SPATC1: variants seen among roughly 807,000 people sequenced by gnomAD.
SPATC1 encodes speriolin.
Under a neutral mutation model 36.5 loss-of-function variants are expected in SPATC1, and 35 were observed. The observed-to-expected ratio is 0.96, with a 90% CI of 0.73 to 1.27. The LOEUF (loss-of-function observed/expected upper bound fraction) is 1.27. Ranked by LOEUF, SPATC1 falls within the 50% of genes most tolerant of loss-of-function variation. The pLI is 0.00. For synonymous variants in SPATC1, 361 were observed against 353.6 expected, an observed-to-expected ratio of 1.02 and a Z score of -0.24; for missense variants, 779 against 796.0, an observed-to-expected ratio of 0.98 and a Z score of 0.26.
intron 1 of SPATC1, among the ~76,000 whole-genome samples, chr8:144,028,720 T>C (rs1834733948): frequency 1.3e-5 from 2 of 152,206 alleles, no homozygotes; most frequent in African/African-American, 4.8e-5. Context: ...CCCAAAGGAA[T>C]ATAAATCATT....
chr8:144,033,143 C>T (rs1834831601), intron 1 of SPATC1, among the ~76,000 whole-genome samples: 2 of 152,048 alleles, frequency 1.3e-5, no homozygotes, highest in South Asian at 4.1e-4. Context: ...CGCCTGTTAT[C>T]CCAGCACTTT....
At chr8:144,034,616 T>TTTTATTTA (rs1190472621) in intron 1 of SPATC1, among the ~76,000 whole-genome samples, 2 of 151,944 alleles carry the variant, frequency 1.3e-5, no homozygotes, top group Admixed American at 6.6e-5. Context: ...AACTCTCAGC[T>TTTTATTTA]TTTATTTATT....
chr8:144,034,117 C>T (rs1834851922), intron 1 of SPATC1, among the ~76,000 whole-genome samples: 1 of 152,256 alleles, frequency 6.6e-6, no homozygotes, highest in Non-Finnish European at 1.5e-5. Context: ...CAGGGCCCTG[C>T]CCAGTTGACC....
chr8:144,044,947 T>C (rs1835219551), intron 4 of SPATC1, among the ~76,000 whole-genome samples: 1 of 152,186 alleles, frequency 6.6e-6, no homozygotes, highest in Admixed American at 6.5e-5. Context: ...AGACTCCGTC[T>C]CAAAACAACA....
chr8:144,039,187 C>G (rs922702929), intron 1 of SPATC1, among the ~76,000 whole-genome samples: 1 of 152,250 alleles, frequency 6.6e-6, no homozygotes, highest in African/African-American at 2.4e-5. Context: ...CTGCCAGCAG[C>G]TGCATCCCCG....
In SPATC1 at chr8:144,040,716, C is replaced by T. The variant is rs1554755749; in HGVS notation, c.915C>T (p.Asp305=). 2 of 1,613,654 alleles carry T rather than the reference C, an allele frequency of 1.2e-6. No individual in the cohort carries two copies. Among genetic ancestry groups the T allele is most frequent in the Non-Finnish European group, 1.7e-6 (2 of 1,179,940 alleles). The part of the protein sequence containing the change: ...PKTAFSFNTS[D]TQAQPSAAQE... Reference sequence around the variant, plus strand: ...CGGCCTTCTCCTTCAACACTTCGGACACACAGGCCCAGCCCAGTGCCGCCC... The same window carrying T: ...CGGCCTTCTCCTTCAACACTTCGGATACACAGGCCCAGCCCAGTGCCGCCC... Residue 305 remains aspartate, a synonymous_variant, in exon 3 of 5, where the codon GAC becomes GAT. Transcript: ENST00000377470.
chr8:144,040,346 C>G lies in SPATC1; in HGVS notation c.649C>G (p.Pro217Ala), dbSNP rs1554755599. 2 of 1,612,714 alleles carry G rather than the reference C, an allele frequency of 1.2e-6. No individual in the cohort carries two copies. The highest frequency in any genetic ancestry group is 2.2e-5 in the East Asian group (1 of 44,860). ...PGVSQNLLAN[P>A]MSNLVLPEAP... ...GGTCTCTCAGAACCTGCTGGCCAACCCCATGAGCAACCTGGTCCTGCCAGA... is the reference window on the plus strand; with the variant it reads ...GGTCTCTCAGAACCTGCTGGCCAACGCCATGAGCAACCTGGTCCTGCCAGA... Residue 217 changes from proline to alanine, a missense_variant, in exon 2 of 5, where the codon CCC (proline) becomes GCC (alanine). Transcript: ENST00000377470.
chr8:144,024,939 A>G (rs965387346), intron 1 of SPATC1, among the ~76,000 whole-genome samples: 7 of 15,694 alleles, frequency 4.5e-4, no homozygotes, highest in African/African-American at 1.7e-3. Flanking sequence ...CTCTTCCTTC[A>G]AGATCCTCTT....
chr8:144,026,194 G>A (rs897192297), intron 1 of SPATC1, among the ~76,000 whole-genome samples: 6 of 152,082 alleles, frequency 3.9e-5, no homozygotes, highest in Non-Finnish European at 5.9e-5. Flanking sequence ...TCATATATGC[G>A]GTCTTTTGTG....
intron 1 of SPATC1, among the ~76,000 whole-genome samples, chr8:144,013,165 G>A (rs1206072354): frequency 6.6e-6 from 1 of 152,116 alleles, no homozygotes; most frequent in Non-Finnish European, 1.5e-5. Context: ...CCTAGGTGCT[G>A]CATCCTTCTC....
At chr8:144,038,998 G>A (rs1554755243) in intron 1 of SPATC1, among the ~76,000 whole-genome samples, 2 of 152,198 alleles carry the variant, frequency 1.3e-5, no homozygotes, top group Non-Finnish European at 2.9e-5. Flanking sequence ...AAGGCAACAC[G>A]CAGCTCCTCA....
In SPATC1 at chr8:144,046,667, T is replaced by C; in HGVS notation, c.1487T>C (p.Leu496Pro). ...AGTGACCACAAGCTGGATGAGAAGC[T>C]GTGCCAGAGGCTCACACAGCGCTAT... is the stretch of plus-strand genomic sequence containing the variant. ...NPSDHKLDEK[L>P]CQRLTQRYVS... is the part of the protein sequence containing the mutation. Residue 496 changes from leucine (L) to proline (P), a missense_variant, in exon 5 of 5, where the codon CTG (leucine) becomes CCG (proline). Coordinates refer to ENST00000377470, the MANE Select transcript of SPATC1 (RefSeq NM_198572.3). The surrounding 1 kb of genome is among the most constrained non-coding windows in gnomAD (Gnocchi z 6.6). 1 of 1,611,848 alleles carries C rather than the reference T, an allele frequency of 6.2e-7. No homozygotes were observed.
rs1390845723 is a variant in SPATC1, at chr8:144,040,972, C to T, written c.1171C>T (p.Arg391Cys). ...CPPHNAHSPPRTSSSPASVND... is the reference protein window; with the variant it reads ...CPPHNAHSPPCTSSSPASVND... ...TCCACACAACGCCCACTCCCCACCT[C>T]GTACCTCATCCTCCCCGGCTTCAGT... The change falls in exon 3 of 5, where the codon CGT becomes TGT. Residue 391 changes from arginine to cysteine, a missense_variant. By Grantham distance (180) the Arg-to-Cys change is radical. Coordinates refer to ENST00000377470, the MANE Select transcript of SPATC1 (RefSeq NM_198572.3). The T allele has an allele frequency of 9.3e-6, 15 of 1,612,178 alleles. No homozygotes were observed. Among genetic ancestry groups the T allele is most frequent in the Non-Finnish European group, 1.2e-5 (14 of 1,179,732 alleles).
chr8:144,028,509 T>C (rs1472237024), intron 1 of SPATC1, among the ~76,000 whole-genome samples: 1 of 152,152 alleles, frequency 6.6e-6, no homozygotes, highest in Non-Finnish European at 1.5e-5. Flanking sequence ...TGAGATACCA[T>C]CTCACACCAG....
chr8:144,024,310 C>G (rs1834626977), intron 1 of SPATC1, among the ~76,000 whole-genome samples: 1 of 150,394 alleles, frequency 6.6e-6, no homozygotes, highest in Non-Finnish European at 1.5e-5. Context: ...CCCTCATAAA[C>G]TTCCTCCCCC....
At position 144,043,415 on chromosome 8, in the gene SPATC1, C is replaced by T. The variant is rs1006294168; in HGVS notation, c.1446+2044C>T. ...TCCTGCCTCAGCCTCCCAAGTAGTT[C>T]GAATTACAGGCACACACCACCAGGC... On this transcript the variant is annotated intron_variant, in intron 4 of 4. Transcript: ENST00000377470. Among the ~76,000 whole-genome samples the T allele has an allele frequency of 2.0e-5, 3 of 151,664 alleles. No individual in the cohort carries two copies. The East Asian group carries it at 5.8e-4, about 29-fold the overall frequency.
At chr8:144,037,204 G>GC (rs1834923386) in intron 1 of SPATC1, among the ~76,000 whole-genome samples, 1 of 132,318 alleles carries the variant, frequency 7.6e-6, no homozygotes, top group Admixed American at 7.2e-5. Flanking sequence ...GGGGGGGTCA[G>GC]CCCCCCGCCC....
rs1554756012 is a variant in SPATC1 at position 144,041,285 on chromosome 8, G to C, written c.1360G>C (p.Asp454His). 1 of 1,613,116 alleles carries C rather than the reference G, an allele frequency of 6.2e-7. No individual in the cohort carries two copies. The highest frequency in any genetic ancestry group is 1.1e-5 in the South Asian group (1 of 91,082). ...RLVGEIAFQL[D>H]RRILSSIFPE... ...GGTGGGTGAGATTGCCTTCCAGCTGGACCGCAGGATCCTGTCCAGCATCTT... is the reference window on the plus strand; with the variant it reads ...GGTGGGTGAGATTGCCTTCCAGCTGCACCGCAGGATCCTGTCCAGCATCTT... The change falls in exon 4 of 5, where the codon GAC (aspartate) becomes CAC (histidine). Residue 454 changes from aspartate to histidine, a missense_variant. Asp to His is a moderately conservative substitution (Grantham distance 81). Coordinates refer to ENST00000377470, the MANE Select transcript of SPATC1 (RefSeq NM_198572.3).
chr8:144,040,596 G>T lies in SPATC1; in HGVS notation c.795G>T (p.Ser265=). ...KVPLSTEPPQ[S]TQDPEPLSMA... is the part of the protein sequence containing the mutation. ...CACTCTCCACTGAGCCCCCCCAGTCGACCCAGGACCCAGAGCCTCTCAGCA... is the reference window on the plus strand; with the variant it reads ...CACTCTCCACTGAGCCCCCCCAGTCTACCCAGGACCCAGAGCCTCTCAGCA... Residue 265 remains serine, a synonymous_variant, in exon 3 of 5, where the codon TCG becomes TCT. Coordinates refer to ENST00000377470, the MANE Select transcript of SPATC1 (RefSeq NM_198572.3). 6.3e-7 allele frequency: 1 copy of T among 1,594,476 alleles called. No individual in the cohort carries two copies. The highest frequency in any genetic ancestry group is 1.4e-5 in the African/African-American group (1 of 72,802).
Sources: allele counts gnomAD v4.1 joint callset (sites outside exome capture counted in the v4.1 genomes callset), GRCh38; gene constraint gnomAD v4.1.1; non-coding constraint Gnocchi (gnomAD v3.1); transcripts MANE v1.5; gene names NCBI Gene and HGNC (gene_info 2026-07-23, HGNC 2026-07-21).